DCAF10: variants seen among roughly 807,000 people sequenced by gnomAD.
DCAF10 encodes DDB1- and CUL4-associated factor 10.
A neutral mutation model predicts 51.9 loss-of-function variants in DCAF10; 19 were observed. The observed-to-expected ratio is 0.37, with a 90% CI of 0.26 to 0.54. The LOEUF (loss-of-function observed/expected upper bound fraction) is 0.54. Among genes scored for constraint, DCAF10 ranks in the 20% least tolerant of loss-of-function variants. The probability of loss-of-function intolerance (pLI) is 0.87; values close to 1 mark genes in which losing one functional copy is unlikely to be tolerated. For missense variants in DCAF10, 510 were observed against 730.6 expected (o/e 0.70, Z 3.48); for synonymous variants, 291 against 297.1 (o/e 0.98, Z 0.21).
rs1830748113 is a variant in DCAF10 at position 37,853,394 on chromosome 9, CAA to C, written c.852-1385_852-1384del. Among the ~76,000 whole-genome samples, 3 of 92,442 alleles carry C rather than the reference CAA, an allele frequency of 3.2e-5. No individual in the cohort carries two copies. In the South Asian group the frequency reaches 1.2e-3, roughly 37 times the overall value. 60.6% of individuals were successfully genotyped at this position (92,442 alleles called of 152,430 possible). ...TACCATTGCACTCCAGCCTGGGCGA[CAA>C]GAGCAAAACTCCATCTCAAAAAAAA... On this transcript the variant is annotated intron_variant, in intron 3 of 6. Coordinates refer to ENST00000377724, the MANE Select transcript of DCAF10 (RefSeq NM_024345.5).
rs113211375 is a variant in DCAF10 at position 37,861,206 on chromosome 9, C to T, written c.1378C>T (p.Arg460Ter). The T allele has an allele frequency of 1.9e-6, 3 of 1,613,708 alleles. No individual in the cohort carries two copies. The highest frequency in any genetic ancestry group is 2.7e-5 in the African/African-American group (2 of 74,922). The change falls in exon 7 of 7, where the codon CGA becomes TGA. Residue 460 changes from arginine (R) to a stop codon, truncating the protein, a stop_gained. Coordinates refer to ENST00000377724, the MANE Select transcript of DCAF10 (RefSeq NM_024345.5). LOFTEE classifies it high-confidence loss of function. This position sits in a 1 kb window ranked among gnomAD's most constrained non-coding sequence, Gnocchi z 4.9. ...VRPVSPRCSL[R>*]LTHYIEEANV... ...ACCTGTCTCACCTCGCTGTTCTCTACGACTGACTCATTACATTGAAGAAGC... is the reference window on the plus strand; with the variant it reads ...ACCTGTCTCACCTCGCTGTTCTCTATGACTGACTCATTACATTGAAGAAGC...
intron 1 of DCAF10, among the ~76,000 whole-genome samples, chr9:37,808,298 C>T (rs1829185660): frequency 6.6e-6 from 1 of 151,062 alleles, no homozygotes; most frequent in Non-Finnish European, 1.5e-5. Context: ...GTCCTAGCTA[C>T]TCAGGAGGCT....
rs1334678637 is a variant in DCAF10, at chr9:37,862,536, C to T, written c.*1028C>T. 1 of 152,192 alleles carries T rather than the reference C, an allele frequency of 6.6e-6. No homozygotes were observed. Among genetic ancestry groups the T allele is most frequent in the Non-Finnish European group, 1.5e-5 (1 of 68,042 alleles). The allele number at this position is 152,192 out of a possible 1,614,324, so 9.4% of individuals were successfully genotyped here. On this transcript the variant is annotated 3_prime_UTR_variant, in exon 7 of 7. Coordinates refer to ENST00000377724, the MANE Select transcript of DCAF10 (RefSeq NM_024345.5). ...GCCAGGTGTGACAAGCCAACTCTGTCACCATTCGTGAGGGGAGAGTTGCAG... is the reference window on the plus strand; with the variant it reads ...GCCAGGTGTGACAAGCCAACTCTGTTACCATTCGTGAGGGGAGAGTTGCAG...
At chr9:37,826,613 C>T (rs760526388) in intron 2 of DCAF10, among the ~76,000 whole-genome samples, 6 of 152,054 alleles carry the variant, frequency 3.9e-5, no homozygotes, top group Non-Finnish European at 5.9e-5. Flanking sequence ...TGAGTGCCCA[C>T]CATCAATGAG....
At chr9:37,839,215 T>A (rs944411300) in intron 2 of DCAF10, among the ~76,000 whole-genome samples, 5 of 152,004 alleles carry the variant, frequency 3.3e-5, no homozygotes, top group South Asian at 2.1e-4. Flanking sequence ...CCCGCCACCA[T>A]GCCCAGCTAA....
At chr9:37,856,807 G>A (rs1040174779) in intron 4 of DCAF10, among the ~76,000 whole-genome samples, 4 of 152,044 alleles carry the variant, frequency 2.6e-5, no homozygotes, top group Admixed American at 2.6e-4. Context: ...GACTATTCAC[G>A]TAATTTCAAG....
intron 2 of DCAF10, among the ~76,000 whole-genome samples, chr9:37,828,479 A>T (rs1172135417): frequency 1.3e-5 from 2 of 152,190 alleles, no homozygotes; most frequent in Non-Finnish European, 1.5e-5. Context: ...ACAAATTCAA[A>T]TCTTCTCTGG....
At chr9:37,850,624 G>A (rs1830604241) in intron 3 of DCAF10, among the ~76,000 whole-genome samples, 2 of 151,656 alleles carry the variant, frequency 1.3e-5, no homozygotes, top group Admixed American at 1.3e-4. Flanking sequence ...GGGGACAGGT[G>A]GGTGGAGTAC....
chr9:37,838,481 ATACTT>A lies in DCAF10; in HGVS notation c.654-3607_654-3603del, dbSNP rs560513929. Among the ~76,000 whole-genome samples, 5 of 152,326 alleles carry A rather than the reference ATACTT, an allele frequency of 3.3e-5. No homozygotes were observed. In the South Asian group the frequency reaches 1.0e-3, roughly 32 times the overall value. Reference sequence around the variant, plus strand: ...CTTAGCAATATGTTTTTCTGGAAATATACTTAGAGAAATACATAGGGATGTGATTA... The same window carrying A: ...CTTAGCAATATGTTTTTCTGGAAATAAGAGAAATACATAGGGATGTGATTA... On this transcript the variant is annotated intron_variant, in intron 2 of 6. Coordinates refer to ENST00000377724, the MANE Select transcript of DCAF10 (RefSeq NM_024345.5).
chr9:37,835,566 A>G (rs886736962), intron 2 of DCAF10, among the ~76,000 whole-genome samples: 3 of 151,302 alleles, frequency 2.0e-5, no homozygotes, highest in Non-Finnish European at 4.4e-5. Context: ...AGACAGAGTG[A>G]GACTCCGTCC....
chr9:37,833,157 T>G (rs1403443928), intron 2 of DCAF10, among the ~76,000 whole-genome samples: 2 of 152,234 alleles, frequency 1.3e-5, no homozygotes, highest in Non-Finnish European at 2.9e-5. Flanking sequence ...AATGACCTTC[T>G]TTTTGATTAT....
intron 2 of DCAF10, among the ~76,000 whole-genome samples, chr9:37,824,435 A>T (rs1242646968): frequency 1.3e-5 from 2 of 152,224 alleles, no homozygotes; most frequent in Non-Finnish European, 2.9e-5. Flanking sequence ...AATGAAAAAA[A>T]CTGAAAAGAT....
At chr9:37,853,865 A>G (rs1263018700) in intron 3 of DCAF10, among the ~76,000 whole-genome samples, 1 of 152,006 alleles carries the variant, frequency 6.6e-6, no homozygotes, top group African/African-American at 2.4e-5. Flanking sequence ...CACCACCCCT[A>G]GCCTACTGAT....
At chr9:37,806,152 C>T (rs1334513321) in intron 1 of DCAF10, among the ~76,000 whole-genome samples, 1 of 152,138 alleles carries the variant, frequency 6.6e-6, no homozygotes, top group Admixed American at 6.6e-5. Flanking sequence ...TAATGGCATT[C>T]GTAGACTACA....
At chr9:37,838,613 G>A (rs1478064075) in intron 2 of DCAF10, among the ~76,000 whole-genome samples, 1 of 152,020 alleles carries the variant, frequency 6.6e-6, no homozygotes, top group African/African-American at 2.4e-5. Context: ...AAAAGAAGCC[G>A]GGCACAGTGG....
chr9:37,822,404 G>GAT (rs59549239), intron 2 of DCAF10, among the ~76,000 whole-genome samples: 2,871 of 123,956 alleles, frequency 0.023, 52 homozygotes, highest in Middle Eastern at 0.036. Context: ...AAGAAACTGT[G>GAT]ATATATATAT....
Position 37,801,014 on chromosome 9 carries a change from C to T in DCAF10, c.148C>T (p.Pro50Ser). 2 of 1,540,376 alleles carry T rather than the reference C, an allele frequency of 1.3e-6. No homozygotes were observed. Among genetic ancestry groups the T allele is most frequent in the Non-Finnish European group, 1.7e-6 (2 of 1,153,630 alleles). The change falls in exon 1 of 7, where the codon CCC (proline) becomes TCC (serine). Residue 50 changes from proline (P) to serine (S), a missense_variant. Coordinates refer to ENST00000377724, the MANE Select transcript of DCAF10 (RefSeq NM_024345.5). The surrounding 1 kb of genome is among the most constrained non-coding windows in gnomAD (Gnocchi z 5.5). The stretch of plus-strand genomic sequence containing the variant: ...GGCTGATGCGACCCATCCCCCTCCA[C>T]CCGCCCGAAGCCCTCGCCGCCCCGG... The part of the protein sequence containing the change: ...PGADATHPPP[P>S]ARSPRRPGAP...
Position 37,857,629 on chromosome 9 carries a change from T to TTCAA in DCAF10, c.1165+283_1165+286dup, listed in dbSNP as rs527841770. 5.9e-5 allele frequency among the ~76,000 whole-genome samples: 9 copies of TTCAA among 152,306 alleles called. No homozygotes were observed. In the East Asian group the frequency reaches 1.7e-3, roughly 29 times the overall value. On this transcript the variant is annotated intron_variant, in intron 5 of 6. Coordinates refer to ENST00000377724, the MANE Select transcript of DCAF10 (RefSeq NM_024345.5). ...GAGGAAGTAGTTCAGAAATATAGAT[T>TTCAA]TCAATCAAGATTGTTGTGAAAATTA...
intron 1 of DCAF10, among the ~76,000 whole-genome samples, chr9:37,811,772 GA>G (rs199570903): frequency 0.017 from 2,641 of 152,242 alleles, 31 homozygotes; most frequent in Middle Eastern, 0.037. Flanking sequence ...TGGAGTTTCA[GA>G]AAGATATTAA....
Sources: allele counts gnomAD v4.1 joint callset (sites outside exome capture counted in the v4.1 genomes callset), GRCh38; gene constraint gnomAD v4.1.1; non-coding constraint Gnocchi (gnomAD v3.1); transcripts MANE v1.5; gene names NCBI Gene and HGNC (gene_info 2026-07-23, HGNC 2026-07-21).